Variants in POU6F2 observed in about 807,000 individuals in gnomAD.
POU6F2 encodes the protein POU class 6 homeobox 2.
In POU6F2, 31 loss-of-function variants were observed where a neutral mutation model predicts 71.3. That is an observed-to-expected ratio of 0.43 (90% CI 0.33 to 0.59). The LOEUF (loss-of-function observed/expected upper bound fraction) is 0.59, where lower values mean the gene tolerates loss of function less well. POU6F2 is among the 20% of genes least tolerant of loss of function. The pLI, the probability that POU6F2 is intolerant of heterozygous loss-of-function variation, is 0.04. For missense variants in POU6F2, 783 were observed against 856.8 expected, an observed-to-expected ratio of 0.91 and a Z score of 1.07; for synonymous variants, 347 against 355.7, an observed-to-expected ratio of 0.98 and a Z score of 0.27.
At chr7:39,379,465 C>G (rs576287786) in intron 5 of POU6F2, among the ~76,000 whole-genome samples, 1 of 152,176 alleles carries the variant, frequency 6.6e-6, no homozygotes, top group Non-Finnish European at 1.5e-5. Context: ...CCTGCACCCA[C>G]CTGCCTGCAG....
chr7:39,138,535 T>G (rs988197240), intron 2 of POU6F2, among the ~76,000 whole-genome samples: 19 of 152,194 alleles, frequency 1.2e-4, no homozygotes, highest in Non-Finnish European at 1.5e-5. Context: ...ACTGTGTGTG[T>G]GAGGGATCTA....
At chr7:39,078,569 G>A (rs577734047) in intron 1 of POU6F2, among the ~76,000 whole-genome samples, 3 of 152,280 alleles carry the variant, frequency 2.0e-5, no homozygotes, top group East Asian at 1.9e-4. Context: ...TAGTGGCCAC[G>A]CCTGGAATGT....
intron 1 of POU6F2, among the ~76,000 whole-genome samples, chr7:39,017,649 A>AAG (rs1789588375): frequency 1.3e-5 from 2 of 151,778 alleles, no homozygotes; most frequent in East Asian, 3.9e-4. Context: ...CCCCTTATCC[A>AAG]CCCTGGGGTA....
intron 5 of POU6F2, among the ~76,000 whole-genome samples, chr7:39,366,198 G>A (rs187835006): frequency 1.5e-3 from 231 of 152,284 alleles, no homozygotes; most frequent in Middle Eastern, 3.4e-3. Flanking sequence ...CCAGAGAGTG[G>A]AATACTTGTA....
intron 7 of POU6F2, among the ~76,000 whole-genome samples, chr7:39,437,994 G>C (rs963822922): frequency 6.6e-6 from 1 of 151,584 alleles, no homozygotes; most frequent in African/African-American, 2.4e-5. Flanking sequence ...TGTGCACAAC[G>C]TGCAGGTTTG....
chr7:39,349,890 C>T (rs1177300586), intron 5 of POU6F2, among the ~76,000 whole-genome samples: 1 of 152,182 alleles, frequency 6.6e-6, no homozygotes, highest in Non-Finnish European at 1.5e-5. Flanking sequence ...GCATGCAGGA[C>T]AGGTTCATGT....
intron 4 of POU6F2, among the ~76,000 whole-genome samples, chr7:39,337,721 C>T (rs1335564408): frequency 1.3e-5 from 2 of 152,178 alleles, no homozygotes; most frequent in African/African-American, 2.4e-5. Context: ...TATGCCCCTC[C>T]TGCTTTCCTT....
intron 6 of POU6F2, among the ~76,000 whole-genome samples, chr7:39,417,699 A>C (rs914102853): frequency 1.3e-5 from 2 of 152,134 alleles, no homozygotes; most frequent in African/African-American, 4.8e-5. Flanking sequence ...CAATAAACCA[A>C]TCTCCTTAGA....
chr7:39,406,258 C>CCTGAGT, intron 5 of POU6F2: 1 of 233,352 alleles, frequency 4.3e-6, no homozygotes, highest in East Asian at 9.2e-5. Context: ...GCAGATATTT[C>CCTGAGT]CTGAGTTTTA....
intron 4 of POU6F2, among the ~76,000 whole-genome samples, chr7:39,277,500 C>G (rs573178057): frequency 6.6e-6 from 1 of 152,084 alleles, no homozygotes; most frequent in Non-Finnish European, 1.5e-5. Flanking sequence ...TAAGAACATG[C>G]AATATTTGGT....
At chr7:38,984,068 A>G (rs750545852) in intron 1 of POU6F2, among the ~76,000 whole-genome samples, 42 of 152,190 alleles carry the variant, frequency 2.8e-4, no homozygotes, top group Middle Eastern at 3.4e-3. Context: ...TTTTTTAATT[A>G]TAAGACAAAA....
intron 1 of POU6F2, among the ~76,000 whole-genome samples, chr7:39,002,522 A>C (rs779010660): frequency 2.0e-5 from 3 of 152,018 alleles, no homozygotes; most frequent in Non-Finnish European, 4.4e-5. Context: ...TAATTTTTAT[A>C]TTTTTAGTAG....
At chr7:39,165,414 C>T (rs1359127873) in intron 2 of POU6F2, among the ~76,000 whole-genome samples, 1 of 152,120 alleles carries the variant, frequency 6.6e-6, no homozygotes, top group South Asian at 2.1e-4. Flanking sequence ...GTCCCTGGAC[C>T]CCTAGAGATT....
At chr7:39,442,391 C>T (rs552677906) in intron 7 of POU6F2, among the ~76,000 whole-genome samples, 2 of 152,176 alleles carry the variant, frequency 1.3e-5, no homozygotes, top group Admixed American at 6.5e-5. Flanking sequence ...GCGAGGGAGC[C>T]AACATCAGGA....
At chr7:39,454,657 T>TAG (rs1562558960) in intron 8 of POU6F2, among the ~76,000 whole-genome samples, 1 of 260 alleles carries the variant, frequency 3.8e-3, no homozygotes, top group African/African-American at 8.9e-3. Context: ...AGACCAGGGA[T>TAG]ATATATATAT....
intron 4 of POU6F2, among the ~76,000 whole-genome samples, chr7:39,227,765 G>T (rs1794497977): frequency 6.6e-6 from 1 of 152,044 alleles, no homozygotes; most frequent in Admixed American, 6.5e-5. Flanking sequence ...CACTGTGTTA[G>T]CGAGGATGGT....
At chr7:39,091,730 C>T (rs915898793) in intron 2 of POU6F2, among the ~76,000 whole-genome samples, 4 of 152,302 alleles carry the variant, frequency 2.6e-5, no homozygotes, top group Non-Finnish European at 4.4e-5. Flanking sequence ...AGATTGCTTT[C>T]GCTCTTAATT....
chr7:39,063,204 T>C (rs1334578388), intron 1 of POU6F2, among the ~76,000 whole-genome samples: 2 of 152,028 alleles, frequency 1.3e-5, no homozygotes, highest in Admixed American at 1.3e-4. Flanking sequence ...TTCTTTGGCA[T>C]CCTTAAATGT....
chr7:39,160,595 G>A (rs572330173), intron 2 of POU6F2, among the ~76,000 whole-genome samples: 1 of 152,220 alleles, frequency 6.6e-6, no homozygotes, highest in South Asian at 2.1e-4. Context: ...CTGCTTTCCT[G>A]CTTCTGGACT....
Sources: allele counts gnomAD v4.1 joint callset (sites outside exome capture counted in the v4.1 genomes callset), GRCh38; gene constraint gnomAD v4.1.1; transcripts MANE v1.5; gene names NCBI Gene and HGNC (gene_info 2026-07-23, HGNC 2026-07-21).